ADCY8: variants seen among roughly 807,000 people sequenced by gnomAD.
ADCY8 encodes adenylate cyclase type 8.
In ADCY8, 51 loss-of-function variants were observed where a neutral mutation model predicts 119.7. The ratio of observed to expected loss-of-function variants is 0.43; its 90% CI spans 0.34 to 0.54. The LOEUF is 0.54. Ranked by LOEUF, ADCY8 falls within the 20% of genes least tolerant of loss-of-function variation. The pLI is 0.03. For synonymous variants in ADCY8, 665 were observed against 651.0 expected (o/e 1.02, Z -0.33); for missense variants, 1,383 against 1,598.8 (o/e 0.87, Z 2.30).
chr8:130,942,985 G>T (rs959642924), intron 4 of ADCY8, among the ~76,000 whole-genome samples: 3 of 152,130 alleles, frequency 2.0e-5, no homozygotes, highest in Admixed American at 1.3e-4. Context: ...GCCAGGGTTG[G>T]CTGGGAAACT....
intron 15 of ADCY8, among the ~76,000 whole-genome samples, chr8:130,792,840 A>G (rs148741037): frequency 8.7e-4 from 133 of 152,254 alleles, no homozygotes; most frequent in African/African-American, 3.1e-3. Context: ...AGCCATCCCC[A>G]TCAGTCTCAG....
At chr8:130,824,374 T>C (rs1377387061) in intron 12 of ADCY8, among the ~76,000 whole-genome samples, 2 of 152,204 alleles carry the variant, frequency 1.3e-5, no homozygotes, top group Non-Finnish European at 2.9e-5. Flanking sequence ...AAGACTGAGT[T>C]GTTAAAAAAT....
chr8:130,804,046 G>A (rs532710759), intron 14 of ADCY8, among the ~76,000 whole-genome samples: 1 of 152,288 alleles, frequency 6.6e-6, no homozygotes, highest in South Asian at 2.1e-4. Context: ...ATATGGTGAT[G>A]CCACGAAGGA....
intron 7 of ADCY8, among the ~76,000 whole-genome samples, chr8:130,900,823 C>A (rs866336706): frequency 6.6e-6 from 1 of 152,170 alleles, no homozygotes; most frequent in South Asian, 2.1e-4. Flanking sequence ...ACTATGAATA[C>A]CAAATTCACA....
At chr8:130,792,534 G>A (rs988867730) in intron 15 of ADCY8, among the ~76,000 whole-genome samples, 1 of 151,998 alleles carries the variant, frequency 6.6e-6, no homozygotes, top group Non-Finnish European at 1.5e-5. Flanking sequence ...CCTCCTCATC[G>A]ACCCCCATCT....
chr8:130,784,753 T>A (rs1343340073), intron 16 of ADCY8, among the ~76,000 whole-genome samples: 1 of 152,242 alleles, frequency 6.6e-6, no homozygotes, highest in African/African-American at 2.4e-5. Context: ...TCCCAGATAG[T>A]CACTCTTGAA....
At chr8:130,863,372 G>A (rs975891104) in intron 9 of ADCY8, among the ~76,000 whole-genome samples, 2 of 145,966 alleles carry the variant, frequency 1.4e-5, no homozygotes, top group Non-Finnish European at 3.0e-5. Flanking sequence ...TGGGCTTCTT[G>A]TATACAACAT....
rs1161136558 is a variant in ADCY8, at chr8:130,992,382, CATATATATATATATATATATAT to C, written c.961-1862_961-1841del. 6.9e-4 allele frequency among the ~76,000 whole-genome samples: 54 copies of C among 78,010 alleles called. 2 individuals carry two copies. Among genetic ancestry groups the C allele is most frequent in the African/African-American group, 1.9e-3 (36 of 18,720 alleles). The allele number at this position is 78,010 out of a possible 152,430, so 51.2% of individuals were successfully genotyped here. A position where few individuals can be genotyped will look rare whatever the true frequency, so the allele number is the denominator to read the frequency against. Reference sequence around the variant, plus strand: ...TACATACATGAGCAACTGTATCTGGCATATATATATATATATATATATATATATATATATATATATATATATA... The same window carrying C: ...TACATACATGAGCAACTGTATCTGGCATATATATATATATATATATATATA... On this transcript the variant is annotated intron_variant, in intron 1 of 17. Transcript: ENST00000286355.
intron 2 of ADCY8, among the ~76,000 whole-genome samples, chr8:130,958,408 G>T (rs1399314615): frequency 6.6e-6 from 1 of 152,068 alleles, no homozygotes; most frequent in Admixed American, 6.5e-5. Flanking sequence ...TATCTCAGTG[G>T]TCACATGCTC....
intron 14 of ADCY8, among the ~76,000 whole-genome samples, chr8:130,801,656 A>G (rs1345675747): frequency 6.6e-6 from 1 of 152,164 alleles, no homozygotes; most frequent in Non-Finnish European, 1.5e-5. Context: ...CAAACTAGTT[A>G]CCTTCACTGC....
intron 2 of ADCY8, among the ~76,000 whole-genome samples, chr8:130,984,327 T>C (rs981823772): frequency 6.6e-6 from 1 of 152,150 alleles, no homozygotes; most frequent in Non-Finnish European, 1.5e-5. Context: ...GTATATACAA[T>C]GACTTCTAAC....
At chr8:130,796,551 G>A (rs140602201) in intron 15 of ADCY8, among the ~76,000 whole-genome samples, 75 of 152,114 alleles carry the variant, frequency 4.9e-4, no homozygotes, top group African/African-American at 1.6e-3. Flanking sequence ...AACAGCAGGG[G>A]TCTGGCTGGA....
At chr8:131,000,433 T>A (rs1279717834) in intron 1 of ADCY8, among the ~76,000 whole-genome samples, 1 of 152,122 alleles carries the variant, frequency 6.6e-6, no homozygotes, top group Non-Finnish European at 1.5e-5. Context: ...TTGGCCTCAT[T>A]CTCTAATAGC....
chr8:130,912,917 T>A (rs1820023631), intron 5 of ADCY8, among the ~76,000 whole-genome samples: 1 of 152,158 alleles, frequency 6.6e-6, no homozygotes, highest in Non-Finnish European at 1.5e-5. Flanking sequence ...GAGGAGCACA[T>A]CAGTTTCTGA....
chr8:130,837,158 C>A (rs1045068885), intron 11 of ADCY8, among the ~76,000 whole-genome samples: 4 of 152,194 alleles, frequency 2.6e-5, no homozygotes, highest in Non-Finnish European at 5.9e-5. Context: ...CCAGTCCCCA[C>A]CCCACACCCA....
chr8:130,982,290 A>G (rs1822263730), intron 2 of ADCY8, among the ~76,000 whole-genome samples: 1 of 152,254 alleles, frequency 6.6e-6, no homozygotes, highest in South Asian at 2.1e-4. Flanking sequence ...GATATAAAAC[A>G]GAATGTGATA....
chr8:130,987,255 A>AT (rs1041191381), intron 2 of ADCY8, among the ~76,000 whole-genome samples: 1 of 151,650 alleles, frequency 6.6e-6, no homozygotes, highest in Non-Finnish European at 1.5e-5. Context: ...CTCAGGTAAA[A>AT]TTTTTTTTCG....
chr8:130,836,017 A>G (rs1816974861), intron 12 of ADCY8, among the ~76,000 whole-genome samples: 1 of 152,146 alleles, frequency 6.6e-6, no homozygotes, highest in African/African-American at 2.4e-5. Flanking sequence ...AAGAAATCAT[A>G]AGTGATCAGA....
rs946302494 is a variant in ADCY8, at chr8:130,833,972, G to A, written c.2675+2305C>T. ...ACAAGAGAAATAAATTCAAGAGATC[G>A]ATTGTAAAACATGGCAACTATAGCT... On this transcript the variant is annotated intron_variant, in intron 12 of 17. Coordinates refer to ENST00000286355, the MANE Select transcript of ADCY8 (RefSeq NM_001115.3). Among the ~76,000 whole-genome samples, 8 of 152,024 alleles carry A rather than the reference G, an allele frequency of 5.3e-5. No individual in the cohort carries two copies. In the East Asian group the frequency reaches 5.8e-4, roughly 11 times the overall value.
Sources: allele counts gnomAD v4.1 joint callset (sites outside exome capture counted in the v4.1 genomes callset), GRCh38; gene constraint gnomAD v4.1.1; transcripts MANE v1.5; gene names NCBI Gene and HGNC (gene_info 2026-07-23, HGNC 2026-07-21).